The following INO80C variants were observed in gnomAD, a reference collection of about 807,000 sequenced individuals.
The protein encoded by INO80C is INO80 complex subunit C.
INO80C carries 17 observed loss-of-function variants against 17.7 expected under a neutral mutation model. That is an observed-to-expected ratio of 0.96 (90% CI 0.66 to 1.44). INO80C has a LOEUF of 1.44. INO80C is among the 40% of genes most tolerant of loss of function. The pLI is 0.00. For synonymous variants in INO80C, 96 were observed against 95.8 expected, an observed-to-expected ratio of 1.00 and a Z score of -0.01; for missense variants, 244 against 245.0, an observed-to-expected ratio of 1.00 and a Z score of 0.03.
chr18:35,474,147 G>T (rs1598736896), intron 4 of INO80C, among the ~76,000 whole-genome samples: 1 of 134,324 alleles, frequency 7.4e-6, no homozygotes, highest in Non-Finnish European at 1.6e-5. Flanking sequence ...TGTGTTCAAG[G>T]ACTTAAAATA....
At chr18:35,496,847 T>C (rs2045986993) in intron 1 of INO80C, 1 of 152,216 alleles carries the variant, frequency 6.6e-6, no homozygotes, top group Non-Finnish European at 1.5e-5. Flanking sequence ...GCCAGTATTC[T>C]TGAAAATTTG....
At chr18:35,473,063 G>A (rs954592808) in intron 4 of INO80C, among the ~76,000 whole-genome samples, 2 of 152,160 alleles carry the variant, frequency 1.3e-5, no homozygotes, top group Admixed American at 1.3e-4. Context: ...TCCTCCTAAT[G>A]TGTGAAAACC....
chr18:35,485,452 C>G (rs1282050228), intron 1 of INO80C, among the ~76,000 whole-genome samples: 1 of 152,118 alleles, frequency 6.6e-6, no homozygotes, highest in Non-Finnish European at 1.5e-5. Flanking sequence ...TGAAAAGATG[C>G]TCAACATCAC....
At chr18:35,494,507 T>C (rs1261548429) in intron 1 of INO80C, among the ~76,000 whole-genome samples, 2 of 152,190 alleles carry the variant, frequency 1.3e-5, no homozygotes, top group Admixed American at 6.5e-5. Context: ...ACAAGGGAGA[T>C]TCTCCATAGC....
chr18:35,491,435 C>A (rs1205621758), intron 1 of INO80C, among the ~76,000 whole-genome samples: 2 of 152,154 alleles, frequency 1.3e-5, no homozygotes, highest in Non-Finnish European at 2.9e-5. Context: ...GCCAGACCCC[C>A]GCTGGGAAGT....
intron 2 of INO80C, among the ~76,000 whole-genome samples, chr18:35,479,872 C>T: frequency 6.7e-6 from 1 of 148,894 alleles, no homozygotes; most frequent in Middle Eastern, 3.5e-3. Flanking sequence ...TATGGGTACT[C>T]TTCTAGGTAC....
intron 1 of INO80C, among the ~76,000 whole-genome samples, chr18:35,494,608 C>T (rs1001269828): frequency 5.3e-5 from 8 of 152,288 alleles, no homozygotes; most frequent in African/African-American, 1.9e-4. Context: ...GTCCTGCCGC[C>T]CCAAAAGAAC....
chr18:35,492,172 G>A (rs1462662596), intron 1 of INO80C, among the ~76,000 whole-genome samples: 1 of 152,232 alleles, frequency 6.6e-6, no homozygotes, highest in African/African-American at 2.4e-5. Context: ...TTATATCTAT[G>A]TCATAGAATT....
At chr18:35,497,584 C>A in intron 1 of INO80C, 135 bp downstream of exon 1, 2 of 1,427,446 alleles carry the variant, frequency 1.4e-6, no homozygotes, top group Non-Finnish European at 1.8e-6. Flanking sequence ...ATTCACTCCG[C>A]GGGGCAGCGT....
At chr18:35,488,530 C>T (rs936677829) in intron 1 of INO80C, among the ~76,000 whole-genome samples, 3 of 152,186 alleles carry the variant, frequency 2.0e-5, no homozygotes, top group Non-Finnish European at 4.4e-5. Context: ...GAACACAGGG[C>T]ACCAAGTTCC....
At chr18:35,492,394 G>T (rs2045941024) in intron 1 of INO80C, among the ~76,000 whole-genome samples, 1 of 152,102 alleles carries the variant, frequency 6.6e-6, no homozygotes, top group Non-Finnish European at 1.5e-5. Flanking sequence ...ACATAGAAAT[G>T]TTCACAAAAT....
intron 1 of INO80C, chr18:35,497,327 G>A (rs1168219867): frequency 2.0e-6 from 2 of 984,656 alleles, no homozygotes; most frequent in African/African-American, 3.5e-5. Flanking sequence ...ATCCATGCAG[G>A]ACATTACAGC....
At chr18:35,474,425 C>G (rs2045710329) in intron 4 of INO80C, among the ~76,000 whole-genome samples, 1 of 151,512 alleles carries the variant, frequency 6.6e-6, no homozygotes, top group Admixed American at 6.6e-5. Context: ...CGGTGGCTCA[C>G]ATTGGTAATC....
intron 4 of INO80C, among the ~76,000 whole-genome samples, chr18:35,471,625 T>TAA (rs1320469634): frequency 6.6e-6 from 1 of 152,106 alleles, no homozygotes; most frequent in East Asian, 1.9e-4. Context: ...TTATTATTAT[T>TAA]AAAGTTTTAG....
chr18:35,486,524 T>A (rs2045875927), intron 1 of INO80C, among the ~76,000 whole-genome samples: 1 of 152,174 alleles, frequency 6.6e-6, no homozygotes, highest in Non-Finnish European at 1.5e-5. Flanking sequence ...GTGAATTATA[T>A]CTCAGTAAAG....
At chr18:35,470,314 G>T (rs2045655232) in intron 4 of INO80C, among the ~76,000 whole-genome samples, 1 of 152,018 alleles carries the variant, frequency 6.6e-6, no homozygotes, top group African/African-American at 2.4e-5. Flanking sequence ...TAGGAAATGG[G>T]ATTATTCCTA....
At chr18:35,474,845 A>T (rs1231713413) in intron 4 of INO80C, among the ~76,000 whole-genome samples, 1 of 152,200 alleles carries the variant, frequency 6.6e-6, no homozygotes, top group Non-Finnish European at 1.5e-5. Flanking sequence ...AAGAACTTGA[A>T]GACACATCAG....
chr18:35,469,072 C>T (rs1410015937), intron 4 of INO80C, among the ~76,000 whole-genome samples: 1 of 152,180 alleles, frequency 6.6e-6, no homozygotes, highest in African/African-American at 2.4e-5. Context: ...CTGCCTCTTT[C>T]CAACAAATGT....
intron 4 of INO80C, among the ~76,000 whole-genome samples, chr18:35,469,462 C>T (rs1391138383): frequency 6.6e-6 from 1 of 152,156 alleles, no homozygotes; most frequent in Non-Finnish European, 1.5e-5. Context: ...TTCCAACTGT[C>T]CCCGGCCTCT....
Sources: gnomAD v4.1 joint callset for allele counts (sites outside exome capture counted in the v4.1 genomes callset) on GRCh38, gnomAD v4.1.1 for gene constraint, MANE v1.5 for transcripts, NCBI Gene and HGNC (gene_info 2026-07-23, HGNC 2026-07-21) for gene names.